NRXN1: variants seen among roughly 807,000 people sequenced by gnomAD.
NRXN1 encodes the protein neurexin-1.
A neutral mutation model predicts 150.9 loss-of-function variants in NRXN1; 39 were observed. The observed-to-expected ratio is 0.26, with a 90% CI of 0.20 to 0.34. The LOEUF is 0.34. Ranked by LOEUF, NRXN1 falls within the 10% of genes least tolerant of loss-of-function variation. NRXN1 has a pLI of 1.00. For missense variants in NRXN1, 1,815 were observed against 1,949.9 expected, an observed-to-expected ratio of 0.93 and a Z score of 1.30; for synonymous variants, 924 against 757.0, an observed-to-expected ratio of 1.22 and a Z score of -3.62.
intron 18 of NRXN1, among the ~76,000 whole-genome samples, chr2:50,223,662 T>G (rs182538227): frequency 3.3e-5 from 5 of 152,016 alleles, no homozygotes; most frequent in African/African-American, 1.2e-4. Flanking sequence ...GATGACATAC[T>G]TTTCCTTTGA....
intron 5 of NRXN1, chr2:50,918,162 G>C (rs1485835165): frequency 6.6e-6 from 1 of 151,850 alleles, no homozygotes; most frequent in African/African-American, 2.4e-5. Flanking sequence ...TGCACTTTCA[G>C]AATGTGTAAC....
intron 2 of NRXN1, among the ~76,000 whole-genome samples, chr2:51,024,771 A>T (rs1244703566): frequency 6.6e-6 from 1 of 152,142 alleles, no homozygotes; most frequent in Non-Finnish European, 1.5e-5. Flanking sequence ...AAATTTTAAA[A>T]GTATTATAGT....
In NRXN1 at chr2:50,026,888, T is replaced by C. The variant is rs1688409468; in HGVS notation, c.4128+26383A>G. Reference sequence around the variant, plus strand: ...TTTTTTTTTTTTTTTTTTTTTTTTTTTTTTTTTTTTGAGACGGAGTCTCGT... The same window carrying C: ...TTTTTTTTTTTTTTTTTTTTTTTTTCTTTTTTTTTTGAGACGGAGTCTCGT... On this transcript the variant is annotated intron_variant, in intron 21 of 22. Transcript: ENST00000401669. 7.0e-5 allele frequency among the ~76,000 whole-genome samples: 5 copies of C among 71,862 alleles called. No homozygotes were observed. The South Asian group carries it at 2.7e-3, about 38-fold the overall frequency. 47.1% of individuals were successfully genotyped at this position (71,862 alleles called of 152,430 possible).
chr2:50,098,001 C>G (rs1700468760), intron 18 of NRXN1, among the ~76,000 whole-genome samples: 1 of 152,016 alleles, frequency 6.6e-6, no homozygotes, highest in African/African-American at 2.4e-5. Context: ...ACTCTGTTTA[C>G]CAATTTAGAT....
At chr2:50,799,459 G>T (rs1009274703) in intron 5 of NRXN1, among the ~76,000 whole-genome samples, 1 of 152,102 alleles carries the variant, frequency 6.6e-6, no homozygotes. Flanking sequence ...ATCTGAGGTG[G>T]GCTGGGGGAT....
At chr2:50,528,847 G>T in intron 11 of NRXN1, 196 bp from the exon 12 acceptor site, 1 of 471,580 alleles carries the variant, frequency 2.1e-6, no homozygotes, top group Non-Finnish European at 3.8e-6. Flanking sequence ...AACAATAGAA[G>T]GTTTTAAAAA....
intron 17 of NRXN1, among the ~76,000 whole-genome samples, chr2:50,265,063 G>T (rs535185688): frequency 7.9e-5 from 12 of 152,172 alleles, no homozygotes; most frequent in African/African-American, 2.4e-4. Context: ...CCAGATGCCA[G>T]AAAATTCTTT....
chr2:50,093,563 A>T (rs1035556707), intron 18 of NRXN1, among the ~76,000 whole-genome samples: 1 of 151,952 alleles, frequency 6.6e-6, no homozygotes, highest in Non-Finnish European at 1.5e-5. Context: ...TGAGCCCCGG[A>T]GGCTGAGGCT....
At chr2:50,979,240 T>G (rs376364967) in intron 2 of NRXN1, 5 of 517,314 alleles carry the variant, frequency 9.7e-6, no homozygotes, top group Middle Eastern at 3.2e-4. Flanking sequence ...ACTAAGATTC[T>G]CCAGCTAAGA....
At chr2:51,006,488 A>G (rs1700739299) in intron 2 of NRXN1, among the ~76,000 whole-genome samples, 2 of 152,044 alleles carry the variant, frequency 1.3e-5, no homozygotes, top group South Asian at 4.2e-4. Flanking sequence ...TGGCACATGT[A>G]TGTATATGTA....
chr2:50,946,028 A>G (rs1403045336), intron 2 of NRXN1, among the ~76,000 whole-genome samples: 1 of 151,712 alleles, frequency 6.6e-6, no homozygotes, highest in Non-Finnish European at 1.5e-5. Flanking sequence ...TGGAATGACC[A>G]TAGAGGATAC....
intron 5 of NRXN1, among the ~76,000 whole-genome samples, chr2:50,722,406 G>C (rs987810295): frequency 6.6e-6 from 1 of 151,960 alleles, no homozygotes; most frequent in Non-Finnish European, 1.5e-5. Context: ...ATAAAATATT[G>C]GTCAGGTTAA....
intron 17 of NRXN1, among the ~76,000 whole-genome samples, chr2:50,403,824 T>C (rs1209635779): frequency 6.6e-6 from 1 of 152,074 alleles, no homozygotes; most frequent in East Asian, 1.9e-4. Flanking sequence ...TTTTAGAAAA[T>C]AGACTCAAGT....
chr2:50,544,401 A>G (rs2093450487), intron 9 of NRXN1, among the ~76,000 whole-genome samples: 1 of 152,070 alleles, frequency 6.6e-6, no homozygotes, highest in Admixed American at 6.5e-5. Context: ...TTTAAAACCA[A>G]TGTTATCTAT....
At chr2:50,913,380 A>T (rs1684795657) in intron 5 of NRXN1, among the ~76,000 whole-genome samples, 1 of 151,768 alleles carries the variant, frequency 6.6e-6, no homozygotes, top group African/African-American at 2.4e-5. Flanking sequence ...AAATGGAGTA[A>T]TTTAATTTTC....
intron 5 of NRXN1, among the ~76,000 whole-genome samples, chr2:50,708,275 G>T (rs913892319): frequency 2.0e-5 from 3 of 152,136 alleles, no homozygotes; most frequent in Non-Finnish European, 2.9e-5. Flanking sequence ...AGTGGTTCAT[G>T]AACTATTTTC....
At chr2:50,361,227 T>C (rs1374377761) in intron 17 of NRXN1, among the ~76,000 whole-genome samples, 1 of 151,620 alleles carries the variant, frequency 6.6e-6, no homozygotes, top group East Asian at 1.9e-4. Flanking sequence ...GTCAAACAAA[T>C]TCAAAAGCTA....
At chr2:50,607,465 TC>T (rs1278357582) in intron 8 of NRXN1, among the ~76,000 whole-genome samples, 1 of 152,136 alleles carries the variant, frequency 6.6e-6, no homozygotes, top group Non-Finnish European at 1.5e-5. Flanking sequence ...TCCCCAACTG[TC>T]CAATTTATAT....
chr2:51,014,307 T>C (rs145582143), intron 2 of NRXN1, among the ~76,000 whole-genome samples: 51 of 152,056 alleles, frequency 3.4e-4, no homozygotes, highest in African/African-American at 1.2e-3. Context: ...AGAACGAGGA[T>C]TGGAACATTT....
Sources: allele counts gnomAD v4.1 joint callset (sites outside exome capture counted in the v4.1 genomes callset), GRCh38; gene constraint gnomAD v4.1.1; transcripts MANE v1.5; gene names NCBI Gene and HGNC (gene_info 2026-07-23, HGNC 2026-07-21).